Variants in CNTNAP3B observed in about 807,000 individuals in gnomAD.
CNTNAP3B encodes the protein contactin associated protein family member 3B.
CNTNAP3B carries 25 observed loss-of-function variants against 108.9 expected under a neutral mutation model. The observed-to-expected ratio is 0.23, with a 90% CI of 0.17 to 0.32. CNTNAP3B has a LOEUF of 0.32. Among genes scored for constraint, CNTNAP3B ranks in the 10% least tolerant of loss-of-function variants. CNTNAP3B has a pLI of 1.00. For synonymous variants in CNTNAP3B, 103 were observed against 473.4 expected, an observed-to-expected ratio of 0.22 and a Z score of 10.16; for missense variants, 252 against 1,210.4, an observed-to-expected ratio of 0.21 and a Z score of 11.75.
intron 3 of CNTNAP3B, among the ~76,000 whole-genome samples, chr9:42,035,277 T>A (rs1403483581): frequency 1.4e-5 from 2 of 143,160 alleles, no homozygotes; most frequent in Admixed American, 7.0e-5. Flanking sequence ...ATTTTACAGA[T>A]TAGCAAGTGA....
intron 4 of CNTNAP3B, among the ~76,000 whole-genome samples, chr9:41,999,594 T>C (rs1825961922): frequency 8.3e-6 from 1 of 120,498 alleles, no homozygotes; most frequent in Non-Finnish European, 1.7e-5. Context: ...CTATTGGTTC[T>C]GTTTCTCTGG....
intron 13 of CNTNAP3B, among the ~76,000 whole-genome samples, chr9:41,943,528 A>G (rs1454694828): frequency 3.3e-5 from 5 of 151,814 alleles, no homozygotes; most frequent in Admixed American, 1.3e-4. Flanking sequence ...AATTTTTTGT[A>G]TTTTTAGTAG....
In CNTNAP3B at chr9:42,095,618, G is replaced by A. The variant is rs1157264251; in HGVS notation, c.196+9011C>T. ...AAATCACAAACTCATGAGGGAAAAT[G>A]TAACTTCATTTCTCCATAACCCAGA... On this transcript the variant is annotated intron_variant, in intron 2 of 23. Transcript: ENST00000377561. Among the ~76,000 whole-genome samples the A allele has an allele frequency of 1.4e-5, 2 of 138,060 alleles. 1 individual carries two copies. Among genetic ancestry groups the A allele is most frequent in the Non-Finnish European group, 3.1e-5 (2 of 64,632 alleles). The allele number at this position is 138,060 out of a possible 152,430, so 90.6% of individuals were successfully genotyped here.
chr9:41,966,298 C>T (rs1323307293), intron 10 of CNTNAP3B, among the ~76,000 whole-genome samples: 2 of 152,290 alleles, frequency 1.3e-5, no homozygotes, highest in African/African-American at 4.8e-5. Context: ...TTGATATCAA[C>T]AGGGAGAGAA....
At chr9:41,995,968 G>A (rs1283577074) in intron 7 of CNTNAP3B, among the ~76,000 whole-genome samples, 9 of 144,516 alleles carry the variant, frequency 6.2e-5, no homozygotes, top group Non-Finnish European at 1.1e-4. Context: ...CCTGGGAGGC[G>A]TAAGCTGCAG....
At chr9:41,940,028 A>G (rs1824285449) in intron 13 of CNTNAP3B, among the ~76,000 whole-genome samples, 2 of 152,300 alleles carry the variant, frequency 1.3e-5, no homozygotes, top group Admixed American at 1.3e-4. Flanking sequence ...GACACAGGAC[A>G]GAATCACTGA....
intron 15 of CNTNAP3B, among the ~76,000 whole-genome samples, chr9:41,925,480 C>A (rs1823790678): frequency 1.3e-5 from 2 of 152,236 alleles, no homozygotes; most frequent in Non-Finnish European, 2.9e-5. Flanking sequence ...GTAGTCCCAG[C>A]TAGTCGGGAG....
intron 14 of CNTNAP3B, among the ~76,000 whole-genome samples, chr9:41,934,079 T>C (rs1824063619): frequency 8.2e-6 from 1 of 121,482 alleles, no homozygotes; most frequent in Admixed American, 8.9e-5. Context: ...TGGGTGTCAA[T>C]TTGCCTTTGC....
chr9:42,034,186 G>GTATCTATCTATCTATCATCTATC (rs1826579957), intron 3 of CNTNAP3B, among the ~76,000 whole-genome samples: 1 of 124,270 alleles, frequency 8.0e-6, no homozygotes, highest in African/African-American at 3.3e-5. Context: ...ATGTATATAT[G>GTATCTATCTATCTATCATCTATC]TATCTATCTA....
At chr9:42,108,799 T>C (rs1456292937) in intron 1 of CNTNAP3B, among the ~76,000 whole-genome samples, 2 of 140,592 alleles carry the variant, frequency 1.4e-5, no homozygotes, top group Admixed American at 1.4e-4. Context: ...CACTCTTAGC[T>C]TCCCACTTCT....
chr9:42,116,657 A>G (rs1828324949), intron 1 of CNTNAP3B, among the ~76,000 whole-genome samples: 1 of 139,896 alleles, frequency 7.1e-6, no homozygotes, highest in African/African-American at 2.8e-5. Context: ...TGACAGGATC[A>G]AATTCACACA....
At chr9:41,963,220 T>C (rs1391278611) in intron 11 of CNTNAP3B, among the ~76,000 whole-genome samples, 1 of 152,282 alleles carries the variant, frequency 6.6e-6, no homozygotes, top group Non-Finnish European at 1.5e-5. Flanking sequence ...GGAAGAGTTC[T>C]TAAAAGTTTC....
chr9:42,108,906 GAC>G (rs1254001419), intron 1 of CNTNAP3B, among the ~76,000 whole-genome samples: 4 of 140,390 alleles, frequency 2.8e-5, no homozygotes, highest in East Asian at 4.2e-4. Flanking sequence ...GTTCATGAAA[GAC>G]AGCAGAAGAT....
intron 3 of CNTNAP3B, among the ~76,000 whole-genome samples, chr9:42,074,930 G>A (rs1422810046): frequency 1.4e-5 from 2 of 144,830 alleles, no homozygotes; most frequent in East Asian, 4.0e-4. Flanking sequence ...GTAACAAAGT[G>A]CCACAAACTA....
At chr9:41,934,124 C>A (rs78931892) in intron 14 of CNTNAP3B, among the ~76,000 whole-genome samples, 1 of 105,648 alleles carries the variant, frequency 9.5e-6, no homozygotes, top group African/African-American at 4.1e-5. Context: ...TATATATATA[C>A]ACACACATAT....
At chr9:41,943,396 A>C (rs1218557544) in intron 13 of CNTNAP3B, among the ~76,000 whole-genome samples, 1 of 136,926 alleles carries the variant, frequency 7.3e-6, no homozygotes, top group Non-Finnish European at 1.5e-5. Flanking sequence ...TCTGTCGCTC[A>C]GGCTGGAGTG....
At chr9:42,117,644 A>C (rs1474999232) in intron 1 of CNTNAP3B, among the ~76,000 whole-genome samples, 1 of 136,570 alleles carries the variant, frequency 7.3e-6, no homozygotes, top group African/African-American at 2.9e-5. Context: ...ACACATTCAA[A>C]AGCTAGCAGA....
intron 12 of CNTNAP3B, among the ~76,000 whole-genome samples, chr9:41,957,963 A>T (rs370092366): frequency 1.3e-5 from 2 of 152,106 alleles, no homozygotes; most frequent in Non-Finnish European, 2.9e-5. Context: ...AGGGTTTCAC[A>T]GTGTTAGCCA....
At chr9:41,933,807 A>T (rs1316804441) in intron 14 of CNTNAP3B, among the ~76,000 whole-genome samples, 3 of 152,258 alleles carry the variant, frequency 2.0e-5, no homozygotes, top group Non-Finnish European at 4.4e-5. Context: ...AGCTTTTAAA[A>T]GTTATATATT....
Sources: allele counts gnomAD v4.1 joint callset (sites outside exome capture counted in the v4.1 genomes callset), GRCh38; gene constraint gnomAD v4.1.1; transcripts MANE v1.5; gene names NCBI Gene and HGNC (gene_info 2026-07-23, HGNC 2026-07-21).